MGST1: variants seen among roughly 807,000 people sequenced by gnomAD.
The protein encoded by MGST1 is microsomal glutathione S-transferase 1, also known as glutathione S-transferase 12.
MGST1 carries 5 observed loss-of-function variants against 8.9 expected under a neutral mutation model. The observed-to-expected ratio is 0.56, with a 90% CI of 0.29 to 1.19. MGST1 has a LOEUF of 1.19. Ranked by LOEUF, MGST1 falls within the 50% of genes most tolerant of loss-of-function variation. The pLI, the probability that MGST1 is intolerant of heterozygous loss-of-function variation, is 0.08. For missense variants in MGST1, 182 were observed against 187.4 expected (o/e 0.97, Z 0.17); for synonymous variants, 54 against 67.8 (o/e 0.80, Z 1.00).
chr12:16,553,546 T>C (rs1307815648), intron 4 of MGST1, among the ~76,000 whole-genome samples: 1 of 152,146 alleles, frequency 6.6e-6, no homozygotes, highest in African/African-American at 2.4e-5. Context: ...TGTTATCAAC[T>C]GGATAAAGTG....
Position 16,364,333 on chromosome 12 carries a change from A to G in MGST1, c.*292A>G, listed in dbSNP as rs568992150. On this transcript the variant is annotated 3_prime_UTR_variant, in exon 4 of 4. Coordinates refer to ENST00000396210, the MANE Select transcript of MGST1 (RefSeq NM_020300.5). The surrounding 1 kb of genome is among the most constrained non-coding windows in gnomAD (Gnocchi z 5.7). ...CACACAACACCTCACTTTTGAATCT[A>G]TAAAAGAATTGCACGTATGAGAAAC... 59 of 1,054,252 alleles carry G rather than the reference A, an allele frequency of 5.6e-5. No homozygotes were observed. In the African/African-American group the frequency reaches 9.1e-4, roughly 16 times the overall value. The allele number at this position is 1,054,252 out of a possible 1,614,324, so 65.3% of individuals were successfully genotyped here. A position where few individuals can be genotyped will look rare whatever the true frequency, so the allele number is the denominator to read the frequency against.
At chr12:16,466,095 G>C (rs930461538) in intron 4 of MGST1, among the ~76,000 whole-genome samples, 1 of 152,170 alleles carries the variant, frequency 6.6e-6, no homozygotes, top group African/African-American at 2.4e-5. Context: ...CCTAAATGGT[G>C]GTTCATTCAA....
In MGST1 at chr12:16,497,956, T is replaced by C. The variant is rs962198434; in HGVS notation, n.483-91572T>C. Among the ~76,000 whole-genome samples, 2 of 152,152 alleles carry C rather than the reference T, an allele frequency of 1.3e-5. No homozygotes were observed. The highest frequency in any genetic ancestry group is 4.8e-5 in the African/African-American group (2 of 41,450). On this transcript the variant is annotated intron_variant and non_coding_transcript_variant, in intron 4 of 4. Transcript: ENST00000538857. The surrounding 1 kb of genome is among the most constrained non-coding windows in gnomAD (Gnocchi z 4.4). ...ATTTTATGGAATATCTCCAAGGGGC[T>C]AGTTTTGGAAATTGGAAAATAATAT...
In MGST1 at chr12:16,503,349, T is replaced by G. The variant is rs756420202; in HGVS notation, n.483-86179T>G. On this transcript the variant is annotated intron_variant and non_coding_transcript_variant, in intron 4 of 4. Coordinates refer to the MGST1 transcript ENST00000538857. The surrounding 1 kb of genome is among the most constrained non-coding windows in gnomAD (Gnocchi z 4.8). ...TGGCTTCACTCATAAATGTTATTTT[T>G]TCCTTTCTTTTATGTTTTATTTCCA... Among the ~76,000 whole-genome samples the G allele has an allele frequency of 6.6e-6, 1 of 152,188 alleles. No homozygotes were observed. The highest frequency in any genetic ancestry group is 2.4e-5 in the African/African-American group (1 of 41,448).
At chr12:16,368,573 C>T (rs2091465541), downstream of MGST1, among the ~76,000 whole-genome samples, 1 of 152,140 alleles carries the variant, frequency 6.6e-6, no homozygotes, top group Non-Finnish European at 1.5e-5. Flanking sequence ...ACTATATATT[C>T]TATGTAAACT....
intron 1 of MGST1, among the ~76,000 whole-genome samples, chr12:16,396,850 G>A (rs192559666): frequency 5.3e-5 from 8 of 152,000 alleles, no homozygotes; most frequent in African/African-American, 1.4e-4. Context: ...TTGTGAAAAC[G>A]ACCATACTGC....
In MGST1 at chr12:16,458,641, A is replaced by G. The variant is rs1194799710; in HGVS notation, n.482+75037A>G. 6.6e-6 allele frequency among the ~76,000 whole-genome samples: 1 copy of G among 152,066 alleles called. No individual in the cohort carries two copies. ...AGCTTGTATGAAAATGAAATTATATATTATAAACATGGAATATCAGTAGGT... is the reference window on the plus strand; with the variant it reads ...AGCTTGTATGAAAATGAAATTATATGTTATAAACATGGAATATCAGTAGGT... On this transcript the variant is annotated intron_variant and non_coding_transcript_variant, in intron 4 of 4. Transcript: ENST00000538857. The surrounding 1 kb of genome is among the most constrained non-coding windows in gnomAD (Gnocchi z 4.0).
rs139915404 is a variant in MGST1, at chr12:16,363,907, G to A, written c.334G>A (p.Gly112Arg). 13 of 1,613,738 alleles carry A rather than the reference G, an allele frequency of 8.1e-6. No individual in the cohort carries two copies. The African/African-American group carries it at 9.4e-5, about 12-fold the overall frequency. ...TAILHFRLFV[G>R]ARIYHTIAYL... is the part of the protein sequence containing the mutation. The stretch of plus-strand genomic sequence containing the variant: ...CATCCTGCACTTCAGACTATTTGTC[G>A]GAGCACGGATCTACCACACCATTGC... The change falls in exon 4 of 4, where the codon GGA becomes AGA. Residue 112 changes from glycine to arginine, a missense_variant. By Grantham distance (125) the Gly-to-Arg change is moderately radical. Transcript: ENST00000396210. This position sits in a 1 kb window ranked among gnomAD's most constrained non-coding sequence, Gnocchi z 4.6.
intron 4 of MGST1, among the ~76,000 whole-genome samples, chr12:16,485,308 G>A (rs73320863): frequency 8.9e-4 from 135 of 152,246 alleles, no homozygotes; most frequent in African/African-American, 3.1e-3. Flanking sequence ...GAAGTGTAAC[G>A]TTCGGTGTAA....
rs1337583770 is a variant in MGST1, at chr12:16,586,711, A to C, written n.483-2817A>C. On this transcript the variant is annotated intron_variant and non_coding_transcript_variant, in intron 4 of 4. Coordinates refer to the MGST1 transcript ENST00000538857. The surrounding 1 kb of genome is among the most constrained non-coding windows in gnomAD (Gnocchi z 4.3). ...TACACATCTTTTGACCCCCCATTGC[A>C]GTAGATGATGTTTTTTTCCATTTCT... is the stretch of plus-strand genomic sequence containing the variant. Among the ~76,000 whole-genome samples the C allele has an allele frequency of 3.3e-5, 5 of 152,168 alleles. No individual in the cohort carries two copies. In the South Asian group the frequency reaches 6.2e-4, roughly 19 times the overall value.
chr12:16,433,932 T>C (rs1286474991), intron 1 of MGST1, among the ~76,000 whole-genome samples: 1 of 152,116 alleles, frequency 6.6e-6, no homozygotes, highest in Non-Finnish European at 1.5e-5. Flanking sequence ...TATCAGAATA[T>C]TCCTATTCAT....
intron 4 of MGST1, among the ~76,000 whole-genome samples, chr12:16,491,587 T>G (rs1941438441): frequency 6.8e-6 from 1 of 147,804 alleles, no homozygotes. Context: ...TTTTGCCTGT[T>G]AGCTTGAAAA....
At chr12:16,556,589 T>C (rs1374200538) in intron 4 of MGST1, among the ~76,000 whole-genome samples, 3 of 152,242 alleles carry the variant, frequency 2.0e-5, no homozygotes, top group African/African-American at 7.2e-5. Context: ...TAAAGTTTGC[T>C]TAAGAGAAAA....
In MGST1 at chr12:16,587,711, A is replaced by G. The variant is rs892729328; in HGVS notation, n.483-1817A>G. Among the ~76,000 whole-genome samples the G allele has an allele frequency of 2.6e-5, 4 of 152,158 alleles. No homozygotes were observed. The highest frequency in any genetic ancestry group is 5.9e-5 in the Non-Finnish European group (4 of 68,034). On this transcript the variant is annotated intron_variant and non_coding_transcript_variant, in intron 4 of 4. Coordinates refer to the MGST1 transcript ENST00000538857. The surrounding 1 kb of genome is among the most constrained non-coding windows in gnomAD (Gnocchi z 4.3). The stretch of plus-strand genomic sequence containing the variant: ...CAAGTATTTTTCACTACAGGAGACA[A>G]ACAATGATATGTATTACATGCAGTA...
intron 4 of MGST1, among the ~76,000 whole-genome samples, chr12:16,536,173 G>A (rs1181536956): frequency 6.6e-6 from 1 of 151,484 alleles, no homozygotes; most frequent in Non-Finnish European, 1.5e-5. Flanking sequence ...TACACTAGCT[G>A]TTTCTCTTAT....
At chr12:16,390,566 G>T (rs1001374966) in intron 1 of MGST1, among the ~76,000 whole-genome samples, 7 of 152,100 alleles carry the variant, frequency 4.6e-5, no homozygotes, top group Admixed American at 3.3e-4. Context: ...TTCTGTTTCT[G>T]TGCTAGTTTG....
intron 4 of MGST1, among the ~76,000 whole-genome samples, chr12:16,521,594 A>C (rs1434268326): frequency 6.6e-6 from 1 of 152,106 alleles, no homozygotes; most frequent in Non-Finnish European, 1.5e-5. Flanking sequence ...TCAGAATCAA[A>C]TCTTAGGCAA....
At chr12:16,406,808 G>A (rs1207019750) in intron 1 of MGST1, among the ~76,000 whole-genome samples, 5 of 152,170 alleles carry the variant, frequency 3.3e-5, no homozygotes, top group Non-Finnish European at 7.4e-5. Context: ...TTGGGAAAAG[G>A]ACTCCCTATT....
chr12:16,511,364 C>T (rs954666508), intron 4 of MGST1, among the ~76,000 whole-genome samples: 3 of 152,222 alleles, frequency 2.0e-5, no homozygotes, highest in Non-Finnish European at 4.4e-5. Flanking sequence ...AATACAGATT[C>T]ATTCGGCTCC....
Sources: gnomAD v4.1 joint callset for allele counts (sites outside exome capture counted in the v4.1 genomes callset) on GRCh38, gnomAD v4.1.1 for gene constraint, Gnocchi (gnomAD v3.1) non-coding constraint, MANE v1.5 for transcripts, NCBI Gene and HGNC (gene_info 2026-07-23, HGNC 2026-07-21) for gene names.